Variants in MCC observed in about 807,000 individuals in gnomAD.
The protein encoded by MCC is colorectal mutant cancer protein.
Under a neutral mutation model 116.2 loss-of-function variants are expected in MCC, and 90 were observed. The observed-to-expected ratio is 0.77, with a 90% CI of 0.65 to 0.92. The LOEUF is 0.92. MCC is among the 40% of genes least tolerant of loss of function. The pLI is 0.00. For missense variants in MCC, 1,516 were observed against 1,312.2 expected, an observed-to-expected ratio of 1.16 and a Z score of -2.40; for synonymous variants, 578 against 510.5, an observed-to-expected ratio of 1.13 and a Z score of -1.78.
chr5:113,386,844 G>A (rs62374396), intron 1 of MCC, among the ~76,000 whole-genome samples: 3 of 151,186 alleles, frequency 2.0e-5, no homozygotes, highest in Admixed American at 1.3e-4. Context: ...AGATGCATGA[G>A]GATAGGAATA....
In MCC at chr5:113,157,944, C is replaced by T. The variant is rs565355370; in HGVS notation, c.628-6522G>A. Among the ~76,000 whole-genome samples, 6 of 152,312 alleles carry T rather than the reference C, an allele frequency of 3.9e-5. 1 individual carries two copies. The South Asian group carries it at 8.3e-4, about 21-fold the overall frequency. ...CCATTATGATGTAAAATAAGGATGA[C>T]GTGAACACAAGCACTGTGATGCCAT... On this transcript the variant is annotated intron_variant, in intron 3 of 18. Transcript: ENST00000408903.
chr5:113,337,380 C>T (rs551621447), intron 3 of MCC, among the ~76,000 whole-genome samples: 2 of 152,278 alleles, frequency 1.3e-5, no homozygotes, highest in East Asian at 1.9e-4. Flanking sequence ...TGGTTTCCTG[C>T]TTGCCAGCCC....
rs372448544 is a variant in MCC, at chr5:113,143,288, T to C, written c.814A>G (p.Ile272Val). 4.3e-6 allele frequency: 7 copies of C among 1,613,778 alleles called. No individual in the cohort carries two copies. The African/African-American group carries it at 6.7e-5, about 15-fold the overall frequency. ...ERTTLRYEERITELHSVIAEL... is the reference protein window; with the variant it reads ...ERTTLRYEERVTELHSVIAEL... Reference sequence around the variant, plus strand: ...GCAATGACGCTGTGGAGCTCTGTGATGCGTTCCTCATAGCGAAGTGTCGTT... The same window carrying C: ...GCAATGACGCTGTGGAGCTCTGTGACGCGTTCCTCATAGCGAAGTGTCGTT... The change falls in exon 5 of 19, where the codon ATC becomes GTC. Residue 272 changes from isoleucine to valine, a missense_variant. Ile to Val is a conservative substitution (Grantham distance 29). Coordinates refer to ENST00000408903, the MANE Select transcript of MCC (RefSeq NM_001085377.2).
Position 113,027,778 on chromosome 5 carries a change from C to T in MCC, c.2880-296G>A, listed in dbSNP as rs1054699626. Among the ~76,000 whole-genome samples, 19 of 152,070 alleles carry T rather than the reference C, an allele frequency of 1.2e-4. 1 individual carries two copies. Among genetic ancestry groups the T allele is most frequent in the African/African-American group, 4.6e-4 (19 of 41,384 alleles). On this transcript the variant is annotated intron_variant, in intron 18 of 18. Coordinates refer to ENST00000408903, the MANE Select transcript of MCC (RefSeq NM_001085377.2). ...AGTCAAACCAGCAATCCAAATTGGC[C>T]CAGTCCAAAACGGATAAATACAAAT...
intron 3 of MCC, among the ~76,000 whole-genome samples, chr5:113,154,362 C>G (rs553428944): frequency 6.6e-6 from 1 of 152,224 alleles, no homozygotes; most frequent in African/African-American, 2.4e-5. Context: ...GAGGCTACAA[C>G]TAGAGAGAGC....
At chr5:113,423,608 G>A (rs1207670398) in intron 1 of MCC, among the ~76,000 whole-genome samples, 1 of 152,168 alleles carries the variant, frequency 6.6e-6, no homozygotes, top group African/African-American at 2.4e-5. Context: ...ATAGATGAGT[G>A]GAATCAGCTC....
At chr5:113,439,685 T>C (rs1401897065) in intron 1 of MCC, among the ~76,000 whole-genome samples, 1 of 152,134 alleles carries the variant, frequency 6.6e-6, no homozygotes. Flanking sequence ...TGACAGTTAA[T>C]AACTCATTCA....
intron 3 of MCC, among the ~76,000 whole-genome samples, chr5:113,160,252 A>G (rs1193266122): frequency 6.6e-6 from 1 of 152,176 alleles, no homozygotes; most frequent in Non-Finnish European, 1.5e-5. Context: ...TGGTTAGGAA[A>G]TGGCTCCCAA....
At chr5:113,366,583 C>T (rs772536047) in intron 2 of MCC, among the ~76,000 whole-genome samples, 3 of 152,020 alleles carry the variant, frequency 2.0e-5, no homozygotes, top group Non-Finnish European at 4.4e-5. Flanking sequence ...ATTTGATTTC[C>T]TACCTGAGAA....
chr5:113,436,915 C>T (rs997579870), intron 1 of MCC: 1 of 152,152 alleles, frequency 6.6e-6, no homozygotes, highest in African/African-American at 2.4e-5. Context: ...AGTTGTCCCT[C>T]CTTTTCTGAC....
intron 3 of MCC, among the ~76,000 whole-genome samples, chr5:113,193,577 T>C (rs1396123812): frequency 6.6e-6 from 1 of 152,140 alleles, no homozygotes; most frequent in African/African-American, 2.4e-5. Context: ...CAGGATAGTG[T>C]TTGTGTATGC....
chr5:113,277,272 G>T (rs968554390), intron 3 of MCC, among the ~76,000 whole-genome samples: 8 of 151,888 alleles, frequency 5.3e-5, no homozygotes, highest in Admixed American at 5.2e-4. Context: ...GGAGGCTGAG[G>T]CAGCAGAATC....
At chr5:113,182,413 C>T (rs1482334555) in intron 3 of MCC, among the ~76,000 whole-genome samples, 1 of 152,172 alleles carries the variant, frequency 6.6e-6, no homozygotes, top group Non-Finnish European at 1.5e-5. Flanking sequence ...TGGGTATCTA[C>T]TATGCACCAG....
At chr5:113,269,160 C>A in intron 3 of MCC, 2 of 985,272 alleles carry the variant, frequency 2.0e-6, no homozygotes, top group Non-Finnish European at 2.4e-6. Flanking sequence ...CAGAATAATT[C>A]TCTGCTTACC....
chr5:113,122,572 A>C (rs1346321030), intron 6 of MCC, 112 bp downstream of exon 6: 1 of 1,277,408 alleles, frequency 7.8e-7, no homozygotes, highest in Non-Finnish European at 1.1e-6. Context: ...TCATCCACTC[A>C]GCAAACCCCT....
chr5:113,243,132 G>T (rs951379443), intron 3 of MCC, among the ~76,000 whole-genome samples: 13 of 152,010 alleles, frequency 8.6e-5, no homozygotes, highest in African/African-American at 2.4e-4. Context: ...TTTAGCCCAG[G>T]TCTAAAAATG....
chr5:113,074,244 C>T (rs1278495809), intron 11 of MCC, among the ~76,000 whole-genome samples: 1 of 152,228 alleles, frequency 6.6e-6, no homozygotes, highest in East Asian at 1.9e-4. Context: ...TCTGCAGCCT[C>T]CGCTGGTGAT....
intron 5 of MCC, among the ~76,000 whole-genome samples, chr5:113,127,315 C>T (rs932341483): frequency 1.3e-5 from 2 of 152,182 alleles, no homozygotes; most frequent in African/African-American, 4.8e-5. Context: ...TGAACGTTTG[C>T]ATGCATGTGT....
At chr5:113,051,274 T>C (rs1008832102) in intron 15 of MCC, among the ~76,000 whole-genome samples, 2 of 151,172 alleles carry the variant, frequency 1.3e-5, no homozygotes, top group Non-Finnish European at 3.0e-5. Context: ...ACCGAGGAAA[T>C]GAGAATGAAT....
Sources: allele counts gnomAD v4.1 joint callset (sites outside exome capture counted in the v4.1 genomes callset), GRCh38; gene constraint gnomAD v4.1.1; transcripts MANE v1.5; gene names NCBI Gene and HGNC (gene_info 2026-07-23, HGNC 2026-07-21).